AKAP19: variants seen among roughly 807,000 people sequenced by gnomAD.
AKAP19 encodes the protein small A-kinase anchoring protein.
At chr2:190,054,369 C>A in the AKAP19 span, among the ~76,000 whole-genome samples, 1 of 152,072 alleles carries the variant, frequency 6.6e-6, no homozygotes, top group African/African-American at 2.4e-5. Flanking sequence ...AAATGTTAGA[C>A]CTAAAACCAT....
the AKAP19 span, chr2:190,056,352 G>T: frequency 6.6e-6 from 1 of 152,364 alleles, no homozygotes; most frequent in African/African-American, 2.4e-5. Flanking sequence ...TGATAGAGTC[G>T]ATCATTTCTA....
the AKAP19 span, among the ~76,000 whole-genome samples, chr2:190,143,669 G>T: frequency 6.6e-6 from 1 of 151,928 alleles, no homozygotes; most frequent in East Asian, 1.9e-4. Context: ...TCCCATTACT[G>T]GGTATATACC....
the AKAP19 span, chr2:190,199,681 T>C: frequency 1.4e-6 from 2 of 1,409,806 alleles, no homozygotes; most frequent in Non-Finnish European, 1.8e-6. Flanking sequence ...AAATGAAACC[T>C]ACCTTCTCTT....
At chr2:190,043,772 A>G in the AKAP19 span, among the ~76,000 whole-genome samples, 12 of 152,302 alleles carry the variant, frequency 7.9e-5, no homozygotes, top group African/African-American at 2.6e-4. Flanking sequence ...CACTCTGTCC[A>G]TTTGAGTTAC....
the AKAP19 span, among the ~76,000 whole-genome samples, chr2:190,090,102 C>T: frequency 2.0e-5 from 3 of 152,096 alleles, no homozygotes; most frequent in Admixed American, 6.5e-5. Context: ...CTTATAACTA[C>T]CTGCCTGCTC....
the AKAP19 span, among the ~76,000 whole-genome samples, chr2:190,167,482 T>G: frequency 8.6e-5 from 13 of 151,966 alleles, no homozygotes; most frequent in Non-Finnish European, 1.6e-4. Context: ...TCCCCTGGAG[T>G]CTTAACTCAT....
At chr2:189,903,100 T>C in the AKAP19 span, among the ~76,000 whole-genome samples, 1 of 151,912 alleles carries the variant, frequency 6.6e-6, no homozygotes, top group East Asian at 1.9e-4. Flanking sequence ...CGAGAAATTA[T>C]TTATAAATGG....
chr2:190,158,207 C>T, the AKAP19 span, among the ~76,000 whole-genome samples: 5 of 152,316 alleles, frequency 3.3e-5, no homozygotes, highest in Non-Finnish European at 5.9e-5. Flanking sequence ...AGAAATTGTG[C>T]ACTCGGGGAG....
chr2:189,973,937 G>T, the AKAP19 span, among the ~76,000 whole-genome samples: 1 of 152,042 alleles, frequency 6.6e-6, no homozygotes, highest in African/African-American at 2.4e-5. Context: ...CCAACTCCTG[G>T]ATTCATTGAT....
chr2:190,006,202 G>T, the AKAP19 span, among the ~76,000 whole-genome samples: 16 of 152,276 alleles, frequency 1.1e-4, no homozygotes, highest in African/African-American at 3.4e-4. Context: ...CTCAAGAATT[G>T]CAGCTATGAA....
chr2:190,176,417 G>A, the AKAP19 span, among the ~76,000 whole-genome samples: 31 of 151,760 alleles, frequency 2.0e-4, no homozygotes, highest in African/African-American at 3.6e-4. The surrounding 1 kb of genome is among the most constrained non-coding windows in gnomAD (Gnocchi z 4.7). Flanking sequence ...GTGTGATCTC[G>A]GCTCACTGCA....
At chr2:189,987,918 C>A in the AKAP19 span, among the ~76,000 whole-genome samples, 1 of 151,752 alleles carries the variant, frequency 6.6e-6, no homozygotes, top group Non-Finnish European at 1.5e-5. Flanking sequence ...GCTGGCTGTG[C>A]GGGAGACCAG....
the AKAP19 span, among the ~76,000 whole-genome samples, chr2:189,947,348 G>A: frequency 6.6e-6 from 1 of 151,972 alleles, no homozygotes; most frequent in African/African-American, 2.4e-5. Flanking sequence ...CACATCGTTG[G>A]CACTGAATAG....
At chr2:190,109,552 G>A in the AKAP19 span, among the ~76,000 whole-genome samples, 1 of 151,586 alleles carries the variant, frequency 6.6e-6, no homozygotes, top group Non-Finnish European at 1.5e-5. Flanking sequence ...CTCTTGGGAG[G>A]GGGACTCTTG....
the AKAP19 span, among the ~76,000 whole-genome samples, chr2:190,063,231 T>C: frequency 6.6e-6 from 1 of 152,108 alleles, no homozygotes; most frequent in Non-Finnish European, 1.5e-5. Flanking sequence ...AAGTTAAGAT[T>C]ATGATACTAG....
chr2:190,096,553 G>A, the AKAP19 span, among the ~76,000 whole-genome samples: 1 of 152,146 alleles, frequency 6.6e-6, no homozygotes, highest in Non-Finnish European at 1.5e-5. Context: ...TTGGCCTGGA[G>A]AGCATGGTGC....
chr2:190,027,914 TTTTTATTTG>T, the AKAP19 span, among the ~76,000 whole-genome samples: 2 of 152,174 alleles, frequency 1.3e-5, no homozygotes, highest in Non-Finnish European at 2.9e-5. Context: ...CAAGGGTGCT[TTTTTATTTG>T]TTTTATTTTG....
chr2:190,178,524 T>C, the AKAP19 span, among the ~76,000 whole-genome samples: 16 of 152,302 alleles, frequency 1.1e-4, no homozygotes, highest in East Asian at 2.1e-3. The surrounding 1 kb of genome is among the most constrained non-coding windows in gnomAD (Gnocchi z 6.3). Flanking sequence ...GCCGGGCAGA[T>C]GGCAGAGGCC....
the AKAP19 span, among the ~76,000 whole-genome samples, chr2:189,954,970 A>AG: frequency 1.3e-5 from 2 of 152,190 alleles, no homozygotes; most frequent in East Asian, 3.8e-4. Flanking sequence ...TTATGGACTT[A>AG]GGGGTACAAG....
Sources: gnomAD v4.1 joint callset for allele counts (sites outside exome capture counted in the v4.1 genomes callset) on GRCh38, gnomAD v4.1.1 for gene constraint, Gnocchi (gnomAD v3.1) non-coding constraint, MANE v1.5 for transcripts, NCBI Gene and HGNC (gene_info 2026-07-23, HGNC 2026-07-21) for gene names.